Variants in MARCHF1 observed in about 807,000 individuals in gnomAD.
MARCHF1 encodes the protein E3 ubiquitin-protein ligase MARCHF1.
Under a neutral mutation model 54.2 loss-of-function variants are expected in MARCHF1, and 40 were observed. The observed-to-expected ratio is 0.74, with a 90% CI of 0.57 to 0.96. MARCHF1 has a LOEUF of 0.96. MARCHF1 is among the 40% of genes least tolerant of loss of function. The pLI is 0.00. For missense variants in MARCHF1, 586 were observed against 656.5 expected (o/e 0.89, Z 1.17); for synonymous variants, 236 against 236.3 (o/e 1.00, Z 0.01).
At chr4:164,000,923 T>C (rs1753174250) in intron 2 of MARCHF1, among the ~76,000 whole-genome samples, 1 of 151,718 alleles carries the variant, frequency 6.6e-6, no homozygotes. Context: ...ATTTTTTAAT[T>C]ATCGGTTATG....
chr4:164,074,198 C>T (rs1384602159), intron 2 of MARCHF1, among the ~76,000 whole-genome samples: 2 of 152,214 alleles, frequency 1.3e-5, no homozygotes, highest in Non-Finnish European at 2.9e-5. Flanking sequence ...AACCTGTAAT[C>T]AGGGGATACC....
intron 4 of MARCHF1, among the ~76,000 whole-genome samples, chr4:163,704,264 G>T (rs1450795665): frequency 2.0e-5 from 3 of 151,704 alleles, no homozygotes; most frequent in Non-Finnish European, 2.9e-5. Flanking sequence ...AGGTAATTTG[G>T]AGGGTCATCT....
intron 2 of MARCHF1, among the ~76,000 whole-genome samples, chr4:164,106,901 T>C (rs1755717183): frequency 6.6e-6 from 1 of 152,180 alleles, no homozygotes; most frequent in African/African-American, 2.4e-5. Context: ...GTAATTGCAT[T>C]TAAATTTTGT....
chr4:164,004,910 G>T (rs1434097636), intron 2 of MARCHF1, among the ~76,000 whole-genome samples: 1 of 151,772 alleles, frequency 6.6e-6, no homozygotes, highest in Admixed American at 6.6e-5. Context: ...TAAAAGTGAT[G>T]ATATAATATT....
intron 4 of MARCHF1, among the ~76,000 whole-genome samples, chr4:163,764,845 T>C (rs1352201057): frequency 1.3e-5 from 2 of 152,104 alleles, no homozygotes; most frequent in Admixed American, 1.3e-4. Flanking sequence ...CTTCTACCAG[T>C]TCATGAGAGC....
At chr4:164,115,658 C>G (rs758685851) in intron 1 of MARCHF1, among the ~76,000 whole-genome samples, 2 of 151,908 alleles carry the variant, frequency 1.3e-5, no homozygotes, top group Non-Finnish European at 2.9e-5. Context: ...AAATGTTATT[C>G]AAATTATTTT....
chr4:164,156,802 A>G (rs936035767), intron 1 of MARCHF1, among the ~76,000 whole-genome samples: 1 of 152,190 alleles, frequency 6.6e-6, no homozygotes, highest in Non-Finnish European at 1.5e-5. Context: ...CCTCCAGACT[A>G]TGCCCATGTA....
intron 4 of MARCHF1, among the ~76,000 whole-genome samples, chr4:163,842,655 T>C (rs1341363010): frequency 1.3e-5 from 2 of 152,206 alleles, no homozygotes; most frequent in African/African-American, 4.8e-5. Context: ...TGTTAACGTG[T>C]CAGGTGCTCA....
At chr4:164,143,189 C>T (rs1330652267) in intron 1 of MARCHF1, among the ~76,000 whole-genome samples, 8 of 151,956 alleles carry the variant, frequency 5.3e-5, no homozygotes, top group East Asian at 1.9e-4. Context: ...ACCAAATCTA[C>T]GTCTGATTGC....
chr4:164,185,788 T>TCACA (rs201883110), intron 1 of MARCHF1, among the ~76,000 whole-genome samples: 16 of 144,592 alleles, frequency 1.1e-4, no homozygotes, highest in African/African-American at 3.9e-4. Flanking sequence ...TTAAAACTAG[T>TCACA]CACACACACA....
chr4:163,782,669 CA>C (rs779917586), intron 4 of MARCHF1, among the ~76,000 whole-genome samples: 68 of 108,384 alleles, frequency 6.3e-4, no homozygotes, highest in Middle Eastern at 4.9e-3. Context: ...ACTCCATCTC[CA>C]AAAAAAAAAA....
At chr4:164,088,884 T>C (rs1352158427) in intron 2 of MARCHF1, among the ~76,000 whole-genome samples, 1 of 152,230 alleles carries the variant, frequency 6.6e-6, no homozygotes, top group Non-Finnish European at 1.5e-5. Context: ...TTATTTTCTT[T>C]AAATTATATG....
chr4:164,086,075 G>A (rs1163347368), intron 2 of MARCHF1, among the ~76,000 whole-genome samples: 2 of 151,726 alleles, frequency 1.3e-5, no homozygotes, highest in Admixed American at 1.3e-4. Context: ...CCCAAATAAT[G>A]TTTTGTTGGC....
At chr4:164,373,000 T>C (rs1031136402) in intron 1 of MARCHF1, among the ~76,000 whole-genome samples, 1 of 152,182 alleles carries the variant, frequency 6.6e-6, no homozygotes, top group Non-Finnish European at 1.5e-5. Context: ...TCTTAAAATG[T>C]ATAGCATATA....
At chr4:163,790,102 A>G (rs1747733671) in intron 4 of MARCHF1, among the ~76,000 whole-genome samples, 1 of 152,094 alleles carries the variant, frequency 6.6e-6, no homozygotes, top group Non-Finnish European at 1.5e-5. Context: ...ATTTCTTTGT[A>G]GCACTTGGTA....
At chr4:163,682,600 C>A (rs914472792) in intron 5 of MARCHF1, among the ~76,000 whole-genome samples, 3 of 152,094 alleles carry the variant, frequency 2.0e-5, no homozygotes, top group African/African-American at 7.2e-5. Flanking sequence ...ACAGCTTGGG[C>A]CAGATTAGTT....
chr4:164,176,637 T>G (rs917393998), intron 1 of MARCHF1, among the ~76,000 whole-genome samples: 2 of 152,090 alleles, frequency 1.3e-5, no homozygotes, highest in Non-Finnish European at 2.9e-5. Flanking sequence ...AATTTGGGAA[T>G]CTAAGATGCA....
intron 1 of MARCHF1, among the ~76,000 whole-genome samples, chr4:164,240,389 T>C (rs1018159872): frequency 2.0e-5 from 3 of 152,222 alleles, no homozygotes; most frequent in Admixed American, 6.5e-5. Context: ...TGTATATTGG[T>C]GTCTGGATAA....
chr4:164,171,686 A>C (rs796300777), intron 1 of MARCHF1, among the ~76,000 whole-genome samples: 10 of 152,324 alleles, frequency 6.6e-5, no homozygotes, highest in African/African-American at 2.4e-4. Context: ...TAATAAACTA[A>C]AAAATAAAAC....
Sources: gnomAD v4.1 joint callset for allele counts (sites outside exome capture counted in the v4.1 genomes callset) on GRCh38, gnomAD v4.1.1 for gene constraint, MANE v1.5 for transcripts, NCBI Gene and HGNC (gene_info 2026-07-23, HGNC 2026-07-21) for gene names.